Variants in STK32B observed in about 807,000 individuals in gnomAD.
STK32B encodes serine/threonine kinase 32B, also known as serine/threonine-protein kinase 32B.
Under a neutral mutation model 52.6 loss-of-function variants are expected in STK32B, and 43 were observed. The ratio of observed to expected loss-of-function variants is 0.82; its 90% CI spans 0.64 to 1.05. STK32B has a LOEUF of 1.05. Ranked by LOEUF, STK32B falls within the 50% of genes least tolerant of loss-of-function variation. STK32B has a pLI of 0.00. For synonymous variants in STK32B, 238 were observed against 204.3 expected (o/e 1.17, Z -1.41); for missense variants, 621 against 534.6 (o/e 1.16, Z -1.59).
chr4:5,154,908 C>A (rs569823770), intron 2 of STK32B, among the ~76,000 whole-genome samples: 2 of 152,216 alleles, frequency 1.3e-5, no homozygotes, highest in African/African-American at 4.8e-5. Flanking sequence ...CATGAATTAG[C>A]TTGCTTGGTT....
chr4:5,118,557 AT>A (rs1192892239), intron 1 of STK32B, among the ~76,000 whole-genome samples: 1 of 152,174 alleles, frequency 6.6e-6, no homozygotes, highest in Non-Finnish European at 1.5e-5. Flanking sequence ...TTCAGAAGCC[AT>A]GTGCTCAGAG....
chr4:5,042,104 G>C, the STK32B span, among the ~76,000 whole-genome samples: 2 of 152,152 alleles, frequency 1.3e-5, no homozygotes, highest in Non-Finnish European at 2.9e-5. Flanking sequence ...TGTGTTCTCA[G>C]CAAGAGGAAT....
intron 1 of STK32B, among the ~76,000 whole-genome samples, chr4:5,052,397 A>G (rs1741827142): frequency 6.6e-6 from 1 of 152,082 alleles, no homozygotes; most frequent in South Asian, 2.1e-4. Flanking sequence ...GCTCTCCTCA[A>G]TCACCCAGGA....
At position 5,468,033 on chromosome 4, in the gene STK32B, A is replaced by G; in HGVS notation, c.1069A>G (p.Thr357Ala). The G allele has an allele frequency of 6.2e-7, 1 of 1,614,066 alleles. No individual in the cohort carries two copies. Among genetic ancestry groups the G allele is most frequent in the Non-Finnish European group, 8.5e-7 (1 of 1,179,990 alleles). The stretch of plus-strand genomic sequence containing the variant: ...TGGACACCTGCAGCACTGTTTGGAG[A>G]CTGTCCGGGAGGAATTCATCATATT... The part of the protein sequence containing the change: ...LNGHLQHCLE[T>A]VREEFIIFNR... The change falls in exon 11 of 12, where the codon ACT becomes GCT. Residue 357 changes from threonine to alanine, a missense_variant. Coordinates refer to ENST00000282908, the MANE Select transcript of STK32B (RefSeq NM_018401.3).
chr4:5,092,514 G>A (rs2108784796), intron 1 of STK32B, among the ~76,000 whole-genome samples: 1 of 146,826 alleles, frequency 6.8e-6, no homozygotes, highest in Middle Eastern at 3.7e-3. Context: ...TAGCCTGGGC[G>A]ACAGAGCGAG....
At chr4:5,238,786 TCA>T (rs1465904841) in intron 3 of STK32B, among the ~76,000 whole-genome samples, 23 of 152,198 alleles carry the variant, frequency 1.5e-4, no homozygotes, top group Non-Finnish European at 2.8e-4. Flanking sequence ...AATTGTGTTC[TCA>T]GAGTCCACTG....
chr4:5,424,749 G>A (rs906475270), intron 6 of STK32B, among the ~76,000 whole-genome samples: 13 of 151,994 alleles, frequency 8.6e-5, no homozygotes, highest in Admixed American at 3.3e-4. Context: ...CCTGCTGAAT[G>A]GTGGGAGTGA....
intron 2 of STK32B, among the ~76,000 whole-genome samples, chr4:5,158,230 G>A (rs1222333144): frequency 6.6e-6 from 1 of 152,110 alleles, no homozygotes; most frequent in Non-Finnish European, 1.5e-5. Flanking sequence ...GTGTTCTCAG[G>A]CCCTTTGCCC....
chr4:5,102,204 G>T (rs146648848), intron 1 of STK32B, among the ~76,000 whole-genome samples: 248 of 152,308 alleles, frequency 1.6e-3, no homozygotes, highest in Non-Finnish European at 2.9e-3. Flanking sequence ...GTAAAATGCA[G>T]GTAGTTGTAT....
chr4:5,462,165 G>A (rs1282958377), intron 9 of STK32B, among the ~76,000 whole-genome samples: 1 of 151,800 alleles, frequency 6.6e-6, no homozygotes, highest in Non-Finnish European at 1.5e-5. Context: ...GTGTCTGTGT[G>A]TCTGTACGTC....
the STK32B span, chr4:5,019,473 G>A: frequency 6.9e-7 from 1 of 1,439,446 alleles, no homozygotes; most frequent in Non-Finnish European, 9.0e-7. Flanking sequence ...CAGCCTCGCC[G>A]ACCGCCCCTT....
chr4:5,209,574 A>G (rs1722784744), intron 3 of STK32B, among the ~76,000 whole-genome samples: 1 of 152,164 alleles, frequency 6.6e-6, no homozygotes, highest in Admixed American at 6.5e-5. Context: ...AATTCTGAAG[A>G]CAGTGAAAGG....
At chr4:5,208,860 T>G (rs1722737350) in intron 3 of STK32B, among the ~76,000 whole-genome samples, 1 of 152,262 alleles carries the variant, frequency 6.6e-6, no homozygotes, top group African/African-American at 2.4e-5. Context: ...TTTTGTCTTG[T>G]GTCAGATAAA....
At chr4:5,197,630 C>T (rs1721789311) in intron 3 of STK32B, among the ~76,000 whole-genome samples, 1 of 152,228 alleles carries the variant, frequency 6.6e-6, no homozygotes, top group South Asian at 2.1e-4. Context: ...TGGTAGAAGG[C>T]ATGAATAATT....
At chr4:5,041,066 T>C in the STK32B span, among the ~76,000 whole-genome samples, 1 of 152,220 alleles carries the variant, frequency 6.6e-6, no homozygotes, top group African/African-American at 2.4e-5. Context: ...GTCATTGTTA[T>C]CACTTCTGCT....
chr4:5,331,161 T>A, intron 3 of STK32B, 59 bp from the exon 4 acceptor site: 12 of 1,507,674 alleles, frequency 8.0e-6, no homozygotes, highest in Non-Finnish European at 1.1e-5. Flanking sequence ...GAGGCATTGG[T>A]CTTGAGGGTG....
At chr4:5,337,867 C>T (rs1732810986) in intron 4 of STK32B, among the ~76,000 whole-genome samples, 2 of 152,106 alleles carry the variant, frequency 1.3e-5, no homozygotes, top group Non-Finnish European at 2.9e-5. Flanking sequence ...ACCAAAAACT[C>T]AATTATACTC....
At chr4:5,116,804 G>T (rs186135698) in intron 1 of STK32B, among the ~76,000 whole-genome samples, 2 of 152,002 alleles carry the variant, frequency 1.3e-5, no homozygotes, top group Admixed American at 6.5e-5. Flanking sequence ...ATTTGTTTGT[G>T]TTTTAATTCC....
intron 6 of STK32B, among the ~76,000 whole-genome samples, chr4:5,444,095 C>T (rs1057151124): frequency 6.6e-6 from 1 of 152,198 alleles, no homozygotes; most frequent in Admixed American, 6.5e-5. Flanking sequence ...CCTACAGAGG[C>T]AGGCAGGCCT....
Sources: gnomAD v4.1 joint callset for allele counts (sites outside exome capture counted in the v4.1 genomes callset) on GRCh38, gnomAD v4.1.1 for gene constraint, MANE v1.5 for transcripts, NCBI Gene and HGNC (gene_info 2026-07-23, HGNC 2026-07-21) for gene names.